CAMKMT: variants seen among roughly 807,000 people sequenced by gnomAD.
CAMKMT encodes CaM KMT.
Under a neutral mutation model 48.0 loss-of-function variants are expected in CAMKMT, and 53 were observed. That is an observed-to-expected ratio of 1.10 (90% CI 0.89 to 1.39). CAMKMT has a LOEUF of 1.39. Ranked by LOEUF, CAMKMT falls within the 40% of genes most tolerant of loss-of-function variation. The pLI is 0.00. For missense variants in CAMKMT, 428 were observed against 402.7 expected (o/e 1.06, Z -0.54); for synonymous variants, 165 against 152.3 (o/e 1.08, Z -0.61).
rs149811089 is a variant in CAMKMT, at chr2:44,476,048, G to A, written c.376+85743G>A. On this transcript the variant is annotated intron_variant, in intron 3 of 10. Transcript: ENST00000378494. The stretch of plus-strand genomic sequence containing the variant: ...AAATCACTATTAAAAAGGAAAGAAT[G>A]AGGTTATCTTGCTGACAATTTAAAG... Among the ~76,000 whole-genome samples, 172 of 152,294 alleles carry A rather than the reference G, an allele frequency of 1.1e-3. 1 individual carries two copies. Among genetic ancestry groups the A allele is most frequent in the African/African-American group, 3.8e-3 (158 of 41,562 alleles).
chr2:44,710,820 C>T (rs1677839996), intron 6 of CAMKMT, among the ~76,000 whole-genome samples: 1 of 152,148 alleles, frequency 6.6e-6, no homozygotes, highest in Non-Finnish European at 1.5e-5. Flanking sequence ...GTGAGCAACC[C>T]TCTCTGGCTA....
intron 7 of CAMKMT, among the ~76,000 whole-genome samples, chr2:44,728,919 G>A (rs1295292372): frequency 6.8e-6 from 1 of 146,344 alleles, no homozygotes; most frequent in South Asian, 2.2e-4. Flanking sequence ...TCTTAATCTG[G>A]GTGGTGGTTA....
chr2:44,642,887 A>G (rs571396724), intron 3 of CAMKMT, among the ~76,000 whole-genome samples: 1 of 152,252 alleles, frequency 6.6e-6, no homozygotes, highest in African/African-American at 2.4e-5. Context: ...TAGAACATAC[A>G]ATTACCCATG....
At chr2:44,535,843 A>G (rs893068454) in intron 3 of CAMKMT, among the ~76,000 whole-genome samples, 2 of 152,202 alleles carry the variant, frequency 1.3e-5, no homozygotes, top group African/African-American at 4.8e-5. Flanking sequence ...AAGGTTGCCT[A>G]CTTTCACCAC....
chr2:44,523,521 C>T (rs988043528), intron 3 of CAMKMT, among the ~76,000 whole-genome samples: 3 of 151,764 alleles, frequency 2.0e-5, no homozygotes, highest in Non-Finnish European at 4.4e-5. Context: ...TCTTGAACTC[C>T]TGACCGCAGG....
intron 3 of CAMKMT, chr2:44,550,796 CATTG>C (rs1323581919): frequency 1.3e-5 from 2 of 152,120 alleles, no homozygotes; most frequent in Non-Finnish European, 2.9e-5. Flanking sequence ...TTGTATCATA[CATTG>C]ATTGAGGAGG....
At chr2:44,530,952 A>G (rs1045327435) in intron 3 of CAMKMT, among the ~76,000 whole-genome samples, 38 of 152,102 alleles carry the variant, frequency 2.5e-4, no homozygotes, top group African/African-American at 8.9e-4. Flanking sequence ...AGATATGATG[A>G]CAAAGATCTT....
intron 3 of CAMKMT, among the ~76,000 whole-genome samples, chr2:44,583,377 T>G (rs149425942): frequency 1.3e-5 from 2 of 152,320 alleles, no homozygotes; most frequent in Non-Finnish European, 2.9e-5. Flanking sequence ...ACCTTAATAT[T>G]ATATGCTTAA....
intron 8 of CAMKMT, among the ~76,000 whole-genome samples, chr2:44,746,565 A>T (rs1427853982): frequency 3.3e-5 from 5 of 152,216 alleles, no homozygotes; most frequent in Non-Finnish European, 7.3e-5. Flanking sequence ...ACCATTCAGC[A>T]TTTTTGACAA....
intron 3 of CAMKMT, among the ~76,000 whole-genome samples, chr2:44,584,652 A>G (rs978019912): frequency 2.6e-5 from 4 of 152,224 alleles, no homozygotes; most frequent in Non-Finnish European, 5.9e-5. Flanking sequence ...CTATACATAA[A>G]GCATGGTATT....
chr2:44,414,950 T>G (rs555846185), intron 3 of CAMKMT, among the ~76,000 whole-genome samples: 21 of 152,280 alleles, frequency 1.4e-4, no homozygotes, highest in Admixed American at 1.3e-3. Flanking sequence ...GGTCAAGAGA[T>G]GGAGACCATC....
chr2:44,552,767 T>C (rs1667791428), intron 3 of CAMKMT, among the ~76,000 whole-genome samples: 1 of 152,220 alleles, frequency 6.6e-6, no homozygotes, highest in African/African-American at 2.4e-5. Flanking sequence ...AGCTGAGATG[T>C]GAAAACCAGC....
At chr2:44,704,441 G>GA (rs1016765118) in intron 4 of CAMKMT, 98 bp downstream of exon 4, 6 of 785,620 alleles carry the variant, frequency 7.6e-6, no homozygotes, top group Non-Finnish European at 9.4e-6. Flanking sequence ...TAAATTGTTA[G>GA]AAAAAAATAT....
intron 3 of CAMKMT, among the ~76,000 whole-genome samples, chr2:44,429,219 G>A (rs1313859943): frequency 6.6e-6 from 1 of 151,936 alleles, no homozygotes; most frequent in East Asian, 1.9e-4. Flanking sequence ...GAAGCAATGT[G>A]GAATGTGTTT....
chr2:44,602,662 C>G (rs1370597341), intron 3 of CAMKMT, among the ~76,000 whole-genome samples: 1 of 151,994 alleles, frequency 6.6e-6, no homozygotes, highest in African/African-American at 2.4e-5. Context: ...GAAGGGGAAG[C>G]AAGCACGTCT....
intron 2 of CAMKMT, among the ~76,000 whole-genome samples, chr2:44,379,160 C>T (rs1214686210): frequency 6.6e-6 from 1 of 152,158 alleles, no homozygotes; most frequent in Non-Finnish European, 1.5e-5. Context: ...TAAATGGAAT[C>T]CTACAATATG....
intron 3 of CAMKMT, among the ~76,000 whole-genome samples, chr2:44,417,649 G>T (rs1683650304): frequency 6.6e-6 from 1 of 152,124 alleles, no homozygotes; most frequent in Non-Finnish European, 1.5e-5. Context: ...TTCCCAAGTG[G>T]TTGTACTATT....
At chr2:44,462,646 G>A (rs1667906280) in intron 3 of CAMKMT, among the ~76,000 whole-genome samples, 1 of 152,014 alleles carries the variant, frequency 6.6e-6, no homozygotes. Flanking sequence ...TGGGTCATGT[G>A]TAATCTGACA....
intron 3 of CAMKMT, among the ~76,000 whole-genome samples, chr2:44,639,694 T>A (rs1409002221): frequency 6.6e-6 from 1 of 152,206 alleles, no homozygotes; most frequent in Non-Finnish European, 1.5e-5. Flanking sequence ...CTTTTGTGGT[T>A]GGATGCTGGA....
Sources: allele counts gnomAD v4.1 joint callset (sites outside exome capture counted in the v4.1 genomes callset), GRCh38; gene constraint gnomAD v4.1.1; transcripts MANE v1.5; gene names NCBI Gene and HGNC (gene_info 2026-07-23, HGNC 2026-07-21).